FRYL: variants seen among roughly 807,000 people sequenced by gnomAD.
FRYL encodes FRY like transcription coactivator.
Under a neutral mutation model 351.2 loss-of-function variants are expected in FRYL, and 150 were observed. That is an observed-to-expected ratio of 0.43 (90% CI 0.37 to 0.49). The LOEUF is 0.49. FRYL is among the 20% of genes least tolerant of loss of function. The probability of loss-of-function intolerance (pLI) is 0.00; values close to 1 mark genes in which losing one functional copy is unlikely to be tolerated. For synonymous variants in FRYL, 1,153 were observed against 1,257.1 expected (o/e 0.92, Z 1.75); for missense variants, 3,036 against 3,619.3 (o/e 0.84, Z 4.13).
At chr4:48,551,021 T>C (rs1004707211) in intron 37 of FRYL, among the ~76,000 whole-genome samples, 2 of 151,570 alleles carry the variant, frequency 1.3e-5, no homozygotes, top group Non-Finnish European at 2.9e-5. Context: ...GAGCTGAGAT[T>C]GCACCACTGC....
chr4:48,508,592 G>A (rs546873739), intron 59 of FRYL, among the ~76,000 whole-genome samples: 1 of 152,232 alleles, frequency 6.6e-6, no homozygotes, highest in African/African-American at 2.4e-5. Flanking sequence ...GTGCTGGCTG[G>A]GAGTTTCTTC....
At chr4:48,769,301 T>C (rs1775284497) in intron 1 of FRYL, among the ~76,000 whole-genome samples, 4 of 152,160 alleles carry the variant, frequency 2.6e-5, no homozygotes, top group Non-Finnish European at 4.4e-5. Context: ...CTCAAAACTC[T>C]ACAATAAAAA....
chr4:48,621,382 T>C (rs1170837437), intron 5 of FRYL, among the ~76,000 whole-genome samples: 1 of 152,186 alleles, frequency 6.6e-6, no homozygotes, highest in African/African-American at 2.4e-5. Flanking sequence ...TGAACAAATG[T>C]TACTAAATTT....
intron 3 of FRYL, among the ~76,000 whole-genome samples, chr4:48,663,606 T>A (rs1008748330): frequency 6.6e-6 from 1 of 150,730 alleles, no homozygotes; most frequent in Non-Finnish European, 1.5e-5. Flanking sequence ...AAACCCCGTC[T>A]CTACTAAAAA....
At position 48,590,731 on chromosome 4, in the gene FRYL, AG is replaced by A; in HGVS notation, c.1434del (p.Ser479GlnfsTer7). The A allele has an allele frequency of 6.2e-7, 1 of 1,613,080 alleles. No homozygotes were observed. Among genetic ancestry groups the A allele is most frequent in the South Asian group, 1.1e-5 (1 of 91,036 alleles). On this transcript the variant is annotated frameshift_variant, in exon 17 of 64. Transcript: ENST00000358350. LOFTEE classifies it high-confidence loss of function. ...PPMPTTGVIL[P>X]SGNTLRVKKI... is the part of the protein sequence containing the mutation. ...TTCTTTACACGAAGAGTATTTCCTG[AG>A]GGAAGAATAACTCCTGTTGTTGGCA...
rs765991880 is a variant in FRYL at position 48,549,672 on chromosome 4, AT to A, written c.4634-50del. 4 of 1,487,778 alleles carry A rather than the reference AT, an allele frequency of 2.7e-6. No individual in the cohort carries two copies. In the Admixed American group the frequency reaches 7.1e-5, roughly 26 times the overall value. The allele number at this position is 1,487,778 out of a possible 1,614,324, so 92.2% of individuals were successfully genotyped here. ...TTTCTACACCATCTAATTTCTGCCA[AT>A]ATAAGCAAACTCTAGTAAGATCCCA... On this transcript the variant is annotated intron_variant, in intron 38 of 63. Transcript: ENST00000358350. The surrounding 1 kb of genome is among the most constrained non-coding windows in gnomAD (Gnocchi z 4.2).
At chr4:48,756,771 G>A (rs1328467081) in intron 1 of FRYL, among the ~76,000 whole-genome samples, 1 of 152,108 alleles carries the variant, frequency 6.6e-6, no homozygotes, top group African/African-American at 2.4e-5. Context: ...AACACAGTAA[G>A]ACCCTGTCTC....
intron 1 of FRYL, among the ~76,000 whole-genome samples, chr4:48,740,059 T>C (rs981240443): frequency 6.6e-6 from 1 of 152,126 alleles, no homozygotes; most frequent in African/African-American, 2.4e-5. Context: ...CAAATTCCTT[T>C]TCTTTATAAA....
intron 3 of FRYL, among the ~76,000 whole-genome samples, chr4:48,640,347 G>A (rs1755082074): frequency 6.6e-6 from 1 of 152,128 alleles, no homozygotes; most frequent in Admixed American, 6.6e-5. Flanking sequence ...GAGCTATCAA[G>A]CTATGTAAAG....
intron 40 of FRYL, 125 bp from the exon 41 acceptor site, chr4:48,547,894 T>A (rs1731714869): frequency 1.7e-6 from 1 of 599,962 alleles, no homozygotes; most frequent in African/African-American, 1.9e-5. Context: ...ACATATTATA[T>A]GGTTTTTTAT....
chr4:48,545,073 G>C (rs1731039410), intron 42 of FRYL, among the ~76,000 whole-genome samples, 169 bp from the exon 43 acceptor site: 1 of 152,148 alleles, frequency 6.6e-6, no homozygotes, highest in Non-Finnish European at 1.5e-5. Flanking sequence ...CTACAGCAAG[G>C]AGAGAAAGAT....
intron 2 of FRYL, among the ~76,000 whole-genome samples, chr4:48,690,578 A>G (rs1188585671): frequency 1.3e-5 from 2 of 152,222 alleles, no homozygotes; most frequent in African/African-American, 4.8e-5. Context: ...TTAACTATTT[A>G]ACAAAAATTT....
In FRYL at chr4:48,557,592, C is replaced by T. The variant is rs754986017; in HGVS notation, c.3986G>A (p.Arg1329Gln). Residue 1329 changes from arginine to glutamine, a missense_variant, in exon 34 of 64, where the codon CGA (arginine) becomes CAA (glutamine). By Grantham distance (43) the Arg-to-Gln change is conservative (BLOSUM62 1). This residue lies in a region of FRYL where 1,987 missense variants were observed against 2,311.7 expected (regional missense o/e 0.86). Coordinates refer to ENST00000358350, the MANE Select transcript of FRYL (RefSeq NM_015030.2). Reference sequence around the variant, plus strand: ...GGAATCATCTTCATCTTCATCATGTCGCCTTGCTGTGGGGAGAGGTTTTAA... The same window carrying T: ...GGAATCATCTTCATCTTCATCATGTTGCCTTGCTGTGGGGAGAGGTTTTAA... ...VDLKPLPTAR[R>Q]HDEDEDDSLK... is the part of the protein sequence containing the mutation. 6 of 1,614,028 alleles carry T rather than the reference C, an allele frequency of 3.7e-6. No homozygotes were observed. The highest frequency in any genetic ancestry group is 2.2e-5 in the East Asian group (1 of 44,890).
chr4:48,507,977 GAAT>G (rs1443947570), intron 59 of FRYL, among the ~76,000 whole-genome samples: 3 of 151,990 alleles, frequency 2.0e-5, no homozygotes, highest in East Asian at 1.9e-4. Context: ...TAGCAGTCTT[GAAT>G]AATAATAAAA....
chr4:48,756,630 A>G (rs967439764), intron 1 of FRYL, among the ~76,000 whole-genome samples: 1 of 152,214 alleles, frequency 6.6e-6, no homozygotes, highest in African/African-American at 2.4e-5. Context: ...ACAGTAATTT[A>G]TATCAAATAT....
rs1745123959 is a variant in FRYL, at chr4:48,598,779, C to A, written c.1036-2779G>T. On this transcript the variant is annotated intron_variant, in intron 13 of 63. Coordinates refer to ENST00000358350, the MANE Select transcript of FRYL (RefSeq NM_015030.2). ...GGGAAAAGGAAAAACAAATGCCACG[C>A]TTAAAGGAAATAAAGCAGTATTTTA... 5.8e-6 allele frequency: 5 copies of A among 869,152 alleles called. No homozygotes were observed. The African/African-American group carries it at 9.1e-5, about 16-fold the overall frequency. 53.8% of individuals were successfully genotyped at this position (869,152 alleles called of 1,614,324 possible).
At position 48,599,668 on chromosome 4, in the gene FRYL, G is replaced by A. The variant is rs149283268; in HGVS notation, c.1035+2352C>T. On this transcript the variant is annotated intron_variant, in intron 13 of 63. Transcript: ENST00000358350. ...AAGAGCAAGAGCTATGGAACTATGT[G>A]AATATGGACACAAATCCATGCTGGC... Among the ~76,000 whole-genome samples the A allele has an allele frequency of 9.2e-5, 14 of 152,292 alleles. No individual in the cohort carries two copies. The East Asian group carries it at 2.5e-3, about 27-fold the overall frequency.
chr4:48,582,577 T>C lies in FRYL; in HGVS notation c.1906A>G (p.Asn636Asp). The change falls in exon 20 of 64, where the codon AAT (asparagine) becomes GAT (aspartate). Residue 636 changes from asparagine to aspartate, a missense_variant. Physicochemically the swap from Asn to Asp is conservative, Grantham distance 23. This residue lies in a region of FRYL where 492 missense variants were observed against 551.5 expected (regional missense o/e 0.89). Transcript: ENST00000358350. Reference sequence around the variant, plus strand: ...AATTGTACCAACATCTTTACGGCATTATCAAGAAGTGTGGGATGGACATCA... The same window carrying C: ...AATTGTACCAACATCTTTACGGCATCATCAAGAAGTGTGGGATGGACATCA... ...VTDVHPTLLDNAVKMLVQLIN... is the reference protein window; with the variant it reads ...VTDVHPTLLDDAVKMLVQLIN... 6.2e-7 allele frequency: 1 copy of C among 1,614,100 alleles called. No individual in the cohort carries two copies. The highest frequency in any genetic ancestry group is 8.5e-7 in the Non-Finnish European group (1 of 1,179,980).
intron 3 of FRYL, among the ~76,000 whole-genome samples, chr4:48,651,019 T>C (rs936705065): frequency 6.6e-6 from 1 of 152,142 alleles, no homozygotes; most frequent in African/African-American, 2.4e-5. Context: ...GAGCATCCTA[T>C]CATTCAAAAC....
Sources: gnomAD v4.1 joint callset for allele counts (sites outside exome capture counted in the v4.1 genomes callset) on GRCh38, gnomAD v4.1.1 for gene constraint, gnomAD v4.1.1 regional missense constraint, Gnocchi (gnomAD v3.1) non-coding constraint, MANE v1.5 for transcripts, NCBI Gene and HGNC (gene_info 2026-07-23, HGNC 2026-07-21) for gene names.